MSI2: variants seen among roughly 807,000 people sequenced by gnomAD.
MSI2 encodes the protein RNA-binding protein Musashi homolog 2.
MSI2 carries 17 observed loss-of-function variants against 45.6 expected under a neutral mutation model. The ratio of observed to expected loss-of-function variants is 0.37; its 90% confidence interval spans 0.26 to 0.56. MSI2 has a LOEUF of 0.56. MSI2 is among the 20% of genes least tolerant of loss of function. The pLI, the probability that MSI2 is intolerant of heterozygous loss-of-function variation, is 0.77. For missense variants in MSI2, 293 were observed against 444.2 expected (o/e 0.66, Z 3.06); for synonymous variants, 156 against 158.2 (o/e 0.99, Z 0.11).
At chr17:57,668,552 C>T (rs184170681) in intron 11 of MSI2, among the ~76,000 whole-genome samples, 12 of 152,244 alleles carry the variant, frequency 7.9e-5, no homozygotes, top group Admixed American at 7.8e-4. Flanking sequence ...AGACTGGCGC[C>T]ATTGTCACTG....
chr17:57,455,560 C>T (rs1033521196), intron 6 of MSI2, among the ~76,000 whole-genome samples: 4 of 152,128 alleles, frequency 2.6e-5, no homozygotes, highest in African/African-American at 7.2e-5. Flanking sequence ...TTTAAACAAG[C>T]GCAGTTCTCT....
rs1326458839 is a variant in MSI2, at chr17:57,552,479, A to T, written c.454+22755A>T. Among the ~76,000 whole-genome samples the T allele has an allele frequency of 1.3e-5, 2 of 152,082 alleles. No homozygotes were observed. Among genetic ancestry groups the T allele is most frequent in the Non-Finnish European group, 2.9e-5 (2 of 68,010 alleles). On this transcript the variant is annotated intron_variant, in intron 7 of 13. Transcript: ENST00000284073. The surrounding 1 kb of genome is among the most constrained non-coding windows in gnomAD (Gnocchi z 4.3). ...CCTAGGCCTGAAGTAGCAGGGCCAGACGCTAGGTGTCGCCGTCCTGGACCT... is the reference window on the plus strand; with the variant it reads ...CCTAGGCCTGAAGTAGCAGGGCCAGTCGCTAGGTGTCGCCGTCCTGGACCT...
intron 5 of MSI2, among the ~76,000 whole-genome samples, chr17:57,309,547 C>T (rs190434034): frequency 2.4e-3 from 362 of 152,206 alleles, no homozygotes; most frequent in African/African-American, 8.5e-3. Context: ...ATGTGTTAAA[C>T]ATATTGTGTA....
chr17:57,256,923 C>G, intron 1 of MSI2, 119 bp downstream of exon 1: 1 of 465,886 alleles, frequency 2.1e-6, no homozygotes, highest in Non-Finnish European at 3.3e-6. Flanking sequence ...CGCGCGCCCC[C>G]CCCGTGGAAG....
chr17:57,620,189 G>T (rs116288246), intron 9 of MSI2, among the ~76,000 whole-genome samples: 2,232 of 152,310 alleles, frequency 0.015, 59 homozygotes, highest in African/African-American at 0.051. Context: ...CACTCTATCA[G>T]CTGTGTGATT....
At chr17:57,488,195 A>C (rs891917927) in intron 6 of MSI2, among the ~76,000 whole-genome samples, 3 of 138,334 alleles carry the variant, frequency 2.2e-5, no homozygotes, top group African/African-American at 8.0e-5. Flanking sequence ...GAAAACAACC[A>C]GGGGGAAGCT....
intron 6 of MSI2, among the ~76,000 whole-genome samples, chr17:57,442,100 G>A (rs1409802805): frequency 1.3e-5 from 2 of 151,036 alleles, no homozygotes; most frequent in South Asian, 2.1e-4. Flanking sequence ...GCAGTGGTGC[G>A]ATCTCGGCTC....
chr17:57,408,823 G>A (rs941520394), intron 6 of MSI2, among the ~76,000 whole-genome samples: 1 of 152,208 alleles, frequency 6.6e-6, no homozygotes, highest in East Asian at 1.9e-4. Flanking sequence ...AGTTCATTTA[G>A]ACTTGGCATT....
chr17:57,329,697 G>A (rs1476843010), intron 5 of MSI2, among the ~76,000 whole-genome samples: 2 of 152,174 alleles, frequency 1.3e-5, no homozygotes, highest in Non-Finnish European at 2.9e-5. Context: ...CGGTGTTTGA[G>A]TCCCTTGTGA....
chr17:57,572,645 C>G (rs2087907930), intron 7 of MSI2, among the ~76,000 whole-genome samples: 1 of 152,180 alleles, frequency 6.6e-6, no homozygotes, highest in Non-Finnish European at 1.5e-5. Context: ...AGGAGGCTAG[C>G]ACGTTGGAGG....
At chr17:57,286,740 C>T (rs886864651) in intron 5 of MSI2, among the ~76,000 whole-genome samples, 1 of 152,102 alleles carries the variant, frequency 6.6e-6, no homozygotes, top group African/African-American at 2.4e-5. Context: ...TGTTCCTTTC[C>T]TAAGGCAAAA....
chr17:57,632,333 T>C, intron 10 of MSI2: 2 of 1,067,596 alleles, frequency 1.9e-6, no homozygotes, highest in Middle Eastern at 4.2e-4. Context: ...TCTCTAAGAA[T>C]GTGAGAAACC....
rs142813623 is a variant in MSI2 at position 57,553,217 on chromosome 17, A to G, written c.454+23493A>G. On this transcript the variant is annotated intron_variant, in intron 7 of 13. Transcript: ENST00000284073. Reference sequence around the variant, plus strand: ...GAGTAGTCCTGATTGAACTAGGCTCATGGGCACAGAGCACTGGACTGGGGA... The same window carrying G: ...GAGTAGTCCTGATTGAACTAGGCTCGTGGGCACAGAGCACTGGACTGGGGA... Among the ~76,000 whole-genome samples the G allele has an allele frequency of 7.6e-4, 116 of 152,354 alleles. 1 individual carries two copies. Among genetic ancestry groups the G allele is most frequent in the African/African-American group, 2.6e-3 (110 of 41,586 alleles).
chr17:57,567,495 A>G (rs1392413339), intron 7 of MSI2, among the ~76,000 whole-genome samples: 2 of 152,222 alleles, frequency 1.3e-5, no homozygotes, highest in African/African-American at 2.4e-5. Context: ...CTTGACTGTA[A>G]TGAGTCCCTG....
intron 5 of MSI2, among the ~76,000 whole-genome samples, chr17:57,319,619 AG>A (rs1179220042): frequency 1.3e-5 from 2 of 152,038 alleles, no homozygotes; most frequent in Non-Finnish European, 2.9e-5. Context: ...CCTCTTGAGT[AG>A]GGGTTTGTTT....
chr17:57,302,179 C>A (rs941716415), intron 5 of MSI2, among the ~76,000 whole-genome samples: 5 of 152,282 alleles, frequency 3.3e-5, no homozygotes, highest in Non-Finnish European at 2.9e-5. Context: ...TGTATACAGT[C>A]TGTAATGATC....
intron 6 of MSI2, among the ~76,000 whole-genome samples, chr17:57,438,094 C>T (rs1490460591): frequency 1.3e-5 from 2 of 152,192 alleles, no homozygotes; most frequent in Non-Finnish European, 2.9e-5. Context: ...TTCTTTGCAG[C>T]AGCCTCCACC....
intron 10 of MSI2, among the ~76,000 whole-genome samples, chr17:57,636,515 C>T (rs535126060): frequency 1.2e-4 from 18 of 152,230 alleles, no homozygotes; most frequent in African/African-American, 4.3e-4. Context: ...GAGGCGAGAC[C>T]CCGGGGTGCG....
At position 57,681,875 on chromosome 17, in the gene MSI2, G is replaced by A. The variant is rs1049183079; in HGVS notation, c.*2358G>A. 1.0e-5 allele frequency: 2 copies of A among 199,302 alleles called. No individual in the cohort carries two copies. The highest frequency in any genetic ancestry group is 7.8e-5 in the East Asian group (1 of 12,880). The allele number at this position is 199,302 out of a possible 1,614,324, so 12.3% of individuals were successfully genotyped here. On this transcript the variant is annotated 3_prime_UTR_variant, in exon 14 of 14. Coordinates refer to ENST00000284073, the MANE Select transcript of MSI2 (RefSeq NM_138962.4). The stretch of plus-strand genomic sequence containing the variant: ...ATTCCCAGAAATTCAGTGTTTAGAC[G>A]AGGGAATTTAATTCCTATTTTGTCC...
Sources: allele counts gnomAD v4.1 joint callset (sites outside exome capture counted in the v4.1 genomes callset), GRCh38; gene constraint gnomAD v4.1.1; non-coding constraint Gnocchi (gnomAD v3.1); transcripts MANE v1.5; gene names NCBI Gene and HGNC (gene_info 2026-07-23, HGNC 2026-07-21).